CCDC102B: variants seen among roughly 807,000 people sequenced by gnomAD.
The protein encoded by CCDC102B is coiled-coil domain-containing protein 102B.
Under a neutral mutation model 57.4 loss-of-function variants are expected in CCDC102B, and 75 were observed. That is an observed-to-expected ratio of 1.31 (90% CI 1.08 to 1.58). CCDC102B has a LOEUF of 1.58. Ranked by LOEUF, CCDC102B falls within the 40% of genes most tolerant of loss-of-function variation. The pLI is 0.00. For missense variants in CCDC102B, 636 were observed against 582.6 expected, an observed-to-expected ratio of 1.09 and a Z score of -0.94; for synonymous variants, 206 against 201.9, an observed-to-expected ratio of 1.02 and a Z score of -0.17.
At chr18:68,781,992 T>G (rs1237534146) in intron 2 of CCDC102B, among the ~76,000 whole-genome samples, 1 of 152,138 alleles carries the variant, frequency 6.6e-6, no homozygotes, top group African/African-American at 2.4e-5. Context: ...AGCTATATTG[T>G]GTAAATAATT....
intron 3 of CCDC102B, among the ~76,000 whole-genome samples, chr18:68,840,259 A>G (rs375052151): frequency 2.0e-5 from 3 of 152,214 alleles, no homozygotes; most frequent in African/African-American, 7.2e-5. Flanking sequence ...ACAATGTATT[A>G]TATAAGTATA....
intron 7 of CCDC102B, among the ~76,000 whole-genome samples, chr18:69,045,464 C>A (rs1214456184): frequency 1.3e-5 from 2 of 151,964 alleles, no homozygotes; most frequent in East Asian, 3.9e-4. Flanking sequence ...AATACACATT[C>A]TTAATGCAAA....
At position 68,973,286 on chromosome 18, in the gene CCDC102B, T is replaced by TA. The variant is rs558947611; in HGVS notation, c.1264-37641dup. 1.9e-3 allele frequency among the ~76,000 whole-genome samples: 296 copies of TA among 152,170 alleles called. 1 individual carries two copies. The highest frequency in any genetic ancestry group is 6.9e-3 in the African/African-American group (286 of 41,540). On this transcript the variant is annotated intron_variant, in intron 6 of 7. Transcript: ENST00000360242. The stretch of plus-strand genomic sequence containing the variant: ...TATTGAGACTGCGTGTAAGTCTATA[T>TA]AAAAAAACCCCAGAAGATAAGAATC...
In CCDC102B at chr18:69,011,362, ATGTGTGTG is replaced by A. The variant is rs72492630; in HGVS notation, c.1434+284_1434+291del. 6.3e-3 allele frequency: 2,136 copies of A among 341,206 alleles called. 6 individuals are homozygous for A. Among genetic ancestry groups the A allele is most frequent in the East Asian group, 0.024 (570 of 23,982 alleles). 21.1% of individuals were successfully genotyped at this position (341,206 alleles called of 1,614,324 possible). A position where few individuals can be genotyped will look rare whatever the true frequency, so the allele number is the denominator to read the frequency against. ...AGCATGACCTTGTGTGCACGTGCGC[ATGTGTGTG>A]TGTGTGTGTGTGTGTGTGTGTGTGT... On this transcript the variant is annotated intron_variant, in intron 7 of 7. Transcript: ENST00000360242.
chr18:68,942,731 C>G (rs184722161), intron 6 of CCDC102B, among the ~76,000 whole-genome samples: 4 of 152,026 alleles, frequency 2.6e-5, no homozygotes, highest in South Asian at 2.1e-4. Flanking sequence ...ATTGCCCAGT[C>G]GACAAGCAGG....
intron 1 of CCDC102B, among the ~76,000 whole-genome samples, chr18:68,830,796 C>T (rs1199200292): frequency 6.6e-6 from 1 of 151,806 alleles, no homozygotes. Context: ...CCAAGTACTT[C>T]ATAAGAGTAG....
chr18:68,852,638 A>T (rs933718381), intron 4 of CCDC102B, among the ~76,000 whole-genome samples: 4 of 152,106 alleles, frequency 2.6e-5, no homozygotes, highest in Non-Finnish European at 5.9e-5. Context: ...TTCTGATATT[A>T]GATTGATTGA....
intron 6 of CCDC102B, among the ~76,000 whole-genome samples, chr18:68,932,869 T>G (rs911030897): frequency 1.3e-5 from 2 of 151,766 alleles, no homozygotes; most frequent in South Asian, 4.2e-4. Context: ...CTTCTCTCTT[T>G]CTAAATCTGC....
At chr18:68,785,344 G>A (rs1479175118) in intron 2 of CCDC102B, among the ~76,000 whole-genome samples, 3 of 152,166 alleles carry the variant, frequency 2.0e-5, no homozygotes, top group Non-Finnish European at 4.4e-5. Context: ...TATATACCCA[G>A]TAATGGGATG....
chr18:69,028,236 T>C (rs1448087439), intron 7 of CCDC102B, among the ~76,000 whole-genome samples: 1 of 152,158 alleles, frequency 6.6e-6, no homozygotes, highest in Non-Finnish European at 1.5e-5. Flanking sequence ...AAATAGACTT[T>C]AGCTTTTAGC....
chr18:68,916,430 G>A (rs1734273749), intron 6 of CCDC102B, among the ~76,000 whole-genome samples: 2 of 152,212 alleles, frequency 1.3e-5, no homozygotes, highest in African/African-American at 4.8e-5. Flanking sequence ...GGGCCTGCTA[G>A]CTCTGTATCT....
rs564783047 is a variant in CCDC102B at position 68,844,197 on chromosome 18, C to T, written c.828-2116C>T. On this transcript the variant is annotated intron_variant, in intron 3 of 7. Coordinates refer to ENST00000360242, the MANE Select transcript of CCDC102B (RefSeq NM_024781.3). ...AATTTATTTTGAGTTTCTAACTTAT[C>T]ATTTGATTCATTAAAGTATAATATC... 7.9e-5 allele frequency among the ~76,000 whole-genome samples: 12 copies of T among 151,824 alleles called. No individual in the cohort carries two copies. In the South Asian group the frequency reaches 2.3e-3, roughly 29 times the overall value.
At position 68,811,212 on chromosome 18, in the gene CCDC102B, G is replaced by A. The variant is rs540720843; in HGVS notation, c.-16+13031G>A. Among the ~76,000 whole-genome samples, 8 of 152,252 alleles carry A rather than the reference G, an allele frequency of 5.3e-5. No homozygotes were observed. In the South Asian group the frequency reaches 6.2e-4, roughly 12 times the overall value. On this transcript the variant is annotated intron_variant, in intron 1 of 7. Transcript: ENST00000360242. ...GATTTATAATCCTTTGGGTATATAC[G>A]CAGTAATGAGATTGCTGGGTCAAAT...
intron 2 of CCDC102B, among the ~76,000 whole-genome samples, chr18:68,724,068 G>A (rs908686324): frequency 2.0e-5 from 3 of 152,220 alleles, no homozygotes; most frequent in South Asian, 4.1e-4. Context: ...TTAACACCAT[G>A]TGGAAGCTGT....
chr18:68,910,747 A>G (rs2040809989), intron 6 of CCDC102B, among the ~76,000 whole-genome samples: 1 of 152,188 alleles, frequency 6.6e-6, no homozygotes, highest in Admixed American at 6.5e-5. Flanking sequence ...CTTTATTCAC[A>G]TTATATTGTT....
At chr18:68,867,810 T>G in intron 4 of CCDC102B, among the ~76,000 whole-genome samples, 1 of 150,860 alleles carries the variant, frequency 6.6e-6, no homozygotes. Context: ...GGCGGGCGCC[T>G]GTAGTCCCAG....
At chr18:68,843,050 C>G (rs2037707637) in intron 3 of CCDC102B, among the ~76,000 whole-genome samples, 1 of 152,102 alleles carries the variant, frequency 6.6e-6, no homozygotes, top group Admixed American at 6.6e-5. Context: ...TAACAATATT[C>G]TTTAAACACT....
intron 4 of CCDC102B, among the ~76,000 whole-genome samples, chr18:68,854,191 C>G (rs754649848): frequency 8.6e-5 from 13 of 151,778 alleles, no homozygotes; most frequent in Non-Finnish European, 1.8e-4. Flanking sequence ...ACCTCCGTCT[C>G]CCGGGTTCAA....
At chr18:68,913,429 C>T (rs1370627200) in intron 6 of CCDC102B, among the ~76,000 whole-genome samples, 1 of 151,182 alleles carries the variant, frequency 6.6e-6, no homozygotes, top group Non-Finnish European at 1.5e-5. Flanking sequence ...GGCAGATCAC[C>T]TGAGGTCAAG....
Sources: allele counts gnomAD v4.1 joint callset (sites outside exome capture counted in the v4.1 genomes callset), GRCh38; gene constraint gnomAD v4.1.1; transcripts MANE v1.5; gene names NCBI Gene and HGNC (gene_info 2026-07-23, HGNC 2026-07-21).